Variants in ITGA1 observed in about 807,000 individuals in gnomAD.
The protein encoded by ITGA1 is integrin subunit alpha 1.
A neutral mutation model predicts 145.9 loss-of-function variants in ITGA1; 85 were observed. The ratio of observed to expected loss-of-function variants is 0.58; its 90% CI spans 0.49 to 0.70. The LOEUF is 0.70. Ranked by LOEUF, ITGA1 falls within the 30% of genes least tolerant of loss-of-function variation. The pLI is 0.00. For synonymous variants in ITGA1, 520 were observed against 495.3 expected (o/e 1.05, Z -0.66); for missense variants, 1,351 against 1,418.7 (o/e 0.95, Z 0.77).
intron 12 of ITGA1, 81 bp from the exon 13 acceptor site, chr5:52,908,817 G>T (rs1278797333): frequency 6.7e-7 from 1 of 1,492,254 alleles, no homozygotes; most frequent in East Asian, 2.3e-5. Flanking sequence ...TAGATTGCTA[G>T]AAGTAAAACA....
chr5:52,879,285 T>G (rs1749916853), intron 6 of ITGA1, among the ~76,000 whole-genome samples: 5 of 151,704 alleles, frequency 3.3e-5, no homozygotes, highest in Admixed American at 3.3e-4. Context: ...GAGGGAAAAT[T>G]TTCAAAGTTC....
intron 2 of ITGA1, among the ~76,000 whole-genome samples, chr5:52,850,107 A>T (rs930160365): frequency 1.6e-4 from 24 of 150,248 alleles, no homozygotes; most frequent in African/African-American, 5.4e-4. Flanking sequence ...GGTTCAAGTG[A>T]TTCTCCTGCC....
At chr5:52,825,028 G>T (rs148485762) in intron 1 of ITGA1, 9 of 152,146 alleles carry the variant, frequency 5.9e-5, no homozygotes, top group Non-Finnish European at 1.3e-4. Context: ...ACAAGGTTGT[G>T]CAATATTGTG....
rs754909650 is a variant in ITGA1 at position 52,882,031 on chromosome 5, T to TA, written c.773+17dup. On this transcript the variant is annotated intron_variant, in intron 7 of 28. Transcript: ENST00000282588. ...GAATAGACACAGCAAGGTATATGGA[T>TA]AAAAAAATAAACTAAAGTAAAAGAC... 66 of 1,550,718 alleles carry TA rather than the reference T, an allele frequency of 4.3e-5. No homozygotes were observed. The African/African-American group carries it at 7.8e-4, about 18-fold the overall frequency.
chr5:52,914,610 G>C (rs1038827341), intron 14 of ITGA1, among the ~76,000 whole-genome samples: 4 of 151,608 alleles, frequency 2.6e-5, no homozygotes, highest in African/African-American at 9.7e-5. Flanking sequence ...AAAAAAAAAG[G>C]GGGGGAAATA....
chr5:52,933,893 G>A lies in ITGA1; in HGVS notation c.2862-1G>A. On this transcript the variant is annotated splice_acceptor_variant, in intron 22 of 28. Transcript: ENST00000282588. LOFTEE classifies it high-confidence loss of function. ...ATTTTTCTTCTAATTAATTTTTTAA[G>A]CTCTGCAAGTGAATACCACATTTCA... The A allele has an allele frequency of 7.0e-7, 1 of 1,436,118 alleles. No individual in the cohort carries two copies. Among genetic ancestry groups the A allele is most frequent in the African/African-American group, 1.5e-5 (1 of 68,944 alleles). The allele number at this position is 1,436,118 out of a possible 1,614,324, so 89.0% of individuals were successfully genotyped here.
intron 1 of ITGA1, among the ~76,000 whole-genome samples, chr5:52,806,748 GATAA>G (rs1340282487): frequency 1.3e-5 from 2 of 152,106 alleles, no homozygotes; most frequent in Non-Finnish European, 2.9e-5. Flanking sequence ...ATTGTGTTGA[GATAA>G]ATAACACTGA....
intron 1 of ITGA1, among the ~76,000 whole-genome samples, chr5:52,830,503 C>A (rs1010285235): frequency 1.3e-5 from 2 of 151,980 alleles, no homozygotes; most frequent in African/African-American, 4.8e-5. Flanking sequence ...AAAAAAATAA[C>A]TTAGTCATTT....
chr5:52,891,262 CTT>C (rs369752958), intron 8 of ITGA1, among the ~76,000 whole-genome samples: 2 of 135,762 alleles, frequency 1.5e-5, no homozygotes, highest in African/African-American at 2.7e-5. Context: ...TTTTTTTTTT[CTT>C]TTTTTTTTTT....
At chr5:52,931,300 G>A (rs1750890729) in intron 21 of ITGA1, 1 of 152,030 alleles carries the variant, frequency 6.6e-6, no homozygotes, top group Non-Finnish European at 1.5e-5. Context: ...TATAGATGAA[G>A]AAACCAAAAC....
At chr5:52,923,823 C>A (rs1280754253) in intron 18 of ITGA1, among the ~76,000 whole-genome samples, 1 of 152,206 alleles carries the variant, frequency 6.6e-6, no homozygotes, top group Non-Finnish European at 1.5e-5. Flanking sequence ...CACGCTGAAG[C>A]ATGGACTTAG....
At chr5:52,928,803 C>T (rs928422902) in intron 20 of ITGA1, among the ~76,000 whole-genome samples, 13 of 152,102 alleles carry the variant, frequency 8.5e-5, no homozygotes, top group Non-Finnish European at 1.5e-4. Context: ...AGAAACAGAA[C>T]GAAAAGTTGA....
intron 15 of ITGA1, among the ~76,000 whole-genome samples, chr5:52,916,420 CG>C (rs1303673955): frequency 3.3e-5 from 5 of 151,984 alleles, no homozygotes; most frequent in Non-Finnish European, 5.9e-5. Context: ...TACTGTAATT[CG>C]GGTGGAAACA....
intron 11 of ITGA1, chr5:52,902,209 A>C (rs1750326823): frequency 6.6e-6 from 1 of 152,226 alleles, no homozygotes; most frequent in Non-Finnish European, 1.5e-5. Context: ...GGAAACTGTA[A>C]GAACTCAAGC....
At chr5:52,796,312 CT>C (rs1049864053) in intron 1 of ITGA1, among the ~76,000 whole-genome samples, 1 of 151,694 alleles carries the variant, frequency 6.6e-6, no homozygotes, top group Non-Finnish European at 1.5e-5. Flanking sequence ...GGTAACAATA[CT>C]TTTTTCCCCT....
intron 1 of ITGA1, chr5:52,800,711 C>T: frequency 6.2e-7 from 1 of 1,614,174 alleles, no homozygotes. Context: ...GAGCTGGAGC[C>T]CAACCGCCAG....
chr5:52,913,640 A>G (rs949721281), intron 14 of ITGA1, among the ~76,000 whole-genome samples: 13 of 152,210 alleles, frequency 8.5e-5, no homozygotes, highest in Admixed American at 8.5e-4. Context: ...TTGGTTAGAT[A>G]TTGAACAACT....
intron 28 of ITGA1, among the ~76,000 whole-genome samples, chr5:52,947,757 A>G (rs770679836): frequency 6.6e-6 from 1 of 152,146 alleles, no homozygotes; most frequent in Non-Finnish European, 1.5e-5. Context: ...GTAACAATTA[A>G]AATTTTATAA....
At position 52,799,195 on chromosome 5, in the gene ITGA1, C is replaced by T. The variant is rs1748404038; in HGVS notation, c.61+10781C>T. Among the ~76,000 whole-genome samples the T allele has an allele frequency of 2.6e-5, 4 of 152,144 alleles. No homozygotes were observed. In the South Asian group the frequency reaches 8.3e-4, roughly 31 times the overall value. ...TTTAGATTCTTTTGTTTTTTCTATT[C>T]ATCGGTCTCTTAAAGAGGCAATCCC... On this transcript the variant is annotated intron_variant, in intron 1 of 28. Coordinates refer to ENST00000282588, the MANE Select transcript of ITGA1 (RefSeq NM_181501.2).
Sources: gnomAD v4.1 joint callset for allele counts (sites outside exome capture counted in the v4.1 genomes callset) on GRCh38, gnomAD v4.1.1 for gene constraint, MANE v1.5 for transcripts, NCBI Gene and HGNC (gene_info 2026-07-23, HGNC 2026-07-21) for gene names.